RSRC1: variants seen among roughly 807,000 people sequenced by gnomAD.
RSRC1 encodes the protein serine/Arginine-related protein 53.
RSRC1 carries 39 observed loss-of-function variants against 49.1 expected under a neutral mutation model. That is an observed-to-expected ratio of 0.79 (90% CI 0.61 to 1.04). The LOEUF (loss-of-function observed/expected upper bound fraction) is 1.04, where lower values mean the gene tolerates loss of function less well. RSRC1 is among the 50% of genes least tolerant of loss of function. The pLI is 0.00. For synonymous variants in RSRC1, 143 were observed against 130.8 expected, an observed-to-expected ratio of 1.09 and a Z score of -0.63; for missense variants, 388 against 402.4, an observed-to-expected ratio of 0.96 and a Z score of 0.31.
intron 7 of RSRC1, among the ~76,000 whole-genome samples, chr3:158,471,345 C>T (rs907912865): frequency 3.3e-5 from 5 of 152,016 alleles, no homozygotes; most frequent in African/African-American, 7.2e-5. Context: ...TTTTTCCATC[C>T]GTGGAAGAAT....
intron 7 of RSRC1, among the ~76,000 whole-genome samples, chr3:158,535,368 T>G (rs1209004830): frequency 6.6e-6 from 1 of 151,432 alleles, no homozygotes; most frequent in Non-Finnish European, 1.5e-5. Context: ...AGAAAAAAGA[T>G]GTACAAATAT....
At chr3:158,160,108 C>T (rs116772709) in intron 3 of RSRC1, among the ~76,000 whole-genome samples, 167 of 152,158 alleles carry the variant, frequency 1.1e-3, no homozygotes, top group African/African-American at 3.9e-3. Flanking sequence ...GCAAAATCTG[C>T]CTTGGGAATT....
intron 6 of RSRC1, among the ~76,000 whole-genome samples, chr3:158,443,210 C>T (rs1411830670): frequency 1.3e-5 from 2 of 152,086 alleles, no homozygotes; most frequent in Admixed American, 1.3e-4. Context: ...GTCAGCTTGT[C>T]CTTTGAAGCT....
intron 7 of RSRC1, among the ~76,000 whole-genome samples, chr3:158,479,287 TACAAA>T (rs1039440584): frequency 3.2e-4 from 47 of 148,850 alleles, no homozygotes; most frequent in African/African-American, 1.1e-3. Flanking sequence ...AATAAAATAA[TACAAA>T]ATAATATATG....
chr3:158,391,045 A>G (rs1733255659), intron 6 of RSRC1, among the ~76,000 whole-genome samples: 1 of 152,152 alleles, frequency 6.6e-6, no homozygotes, highest in Non-Finnish European at 1.5e-5. Flanking sequence ...GAGCTACAAT[A>G]AAAGTTAAAG....
chr3:158,481,807 T>C (rs1738623471), intron 7 of RSRC1, among the ~76,000 whole-genome samples: 2 of 152,100 alleles, frequency 1.3e-5, no homozygotes, highest in African/African-American at 2.4e-5. Flanking sequence ...TTCCATTTTC[T>C]ATTTGGATGA....
intron 7 of RSRC1, among the ~76,000 whole-genome samples, chr3:158,483,321 T>C (rs577504298): frequency 1.3e-5 from 2 of 152,164 alleles, no homozygotes; most frequent in Non-Finnish European, 2.9e-5. Flanking sequence ...GGATGATTTG[T>C]ATTTCTCATC....
intron 3 of RSRC1, among the ~76,000 whole-genome samples, chr3:158,157,971 G>T (rs1717983584): frequency 6.6e-6 from 1 of 151,754 alleles, no homozygotes; most frequent in African/African-American, 2.4e-5. Context: ...TGGTTTTACT[G>T]ATTTTTTTTA....
intron 6 of RSRC1, among the ~76,000 whole-genome samples, chr3:158,362,862 T>C (rs1731553011): frequency 6.6e-6 from 1 of 152,258 alleles, no homozygotes; most frequent in African/African-American, 2.4e-5. Flanking sequence ...ATATTTTTTA[T>C]CAGTATGAGA....
intron 5 of RSRC1, among the ~76,000 whole-genome samples, chr3:158,345,497 T>C (rs1730502079): frequency 6.6e-6 from 1 of 152,084 alleles, no homozygotes; most frequent in African/African-American, 2.4e-5. Context: ...CTCAAATTGA[T>C]ATGTAGAGTT....
intron 7 of RSRC1, among the ~76,000 whole-genome samples, chr3:158,534,736 C>T (rs1456655540): frequency 6.6e-6 from 1 of 151,444 alleles, no homozygotes; most frequent in African/African-American, 2.4e-5. Flanking sequence ...AAAAACCTAT[C>T]ATCAAACTAT....
intron 4 of RSRC1, among the ~76,000 whole-genome samples, chr3:158,249,974 C>T (rs371860974): frequency 6.6e-6 from 1 of 152,196 alleles, no homozygotes; most frequent in East Asian, 1.9e-4. Flanking sequence ...ACCCCACTAC[C>T]GTTCTCAGCC....
chr3:158,321,237 T>A (rs1302824502), intron 5 of RSRC1, among the ~76,000 whole-genome samples: 2 of 151,462 alleles, frequency 1.3e-5, no homozygotes, highest in African/African-American at 4.8e-5. Flanking sequence ...ATGTTTTTGT[T>A]ATTCTCTCTC....
intron 5 of RSRC1, among the ~76,000 whole-genome samples, chr3:158,310,516 T>G (rs1246930269): frequency 6.6e-6 from 1 of 151,854 alleles, no homozygotes; most frequent in Non-Finnish European, 1.5e-5. Context: ...CTTGATTACA[T>G]AGCTTTTGTG....
chr3:158,420,023 C>T (rs79448414), intron 6 of RSRC1, among the ~76,000 whole-genome samples: 7,619 of 151,916 alleles, frequency 0.05, 226 homozygotes, highest in East Asian at 0.1. Flanking sequence ...TCTCTCCCCC[C>T]ACTTCCTCCT....
At position 158,353,540 on chromosome 3, in the gene RSRC1, T is replaced by A. The variant is rs964822845; in HGVS notation, c.532-1317T>A. Among the ~76,000 whole-genome samples the A allele has an allele frequency of 4.6e-5, 7 of 152,330 alleles. No homozygotes were observed. In the East Asian group the frequency reaches 1.3e-3, roughly 29 times the overall value. ...CTGGTCCAGGTCTATAGTCTCTTAA[T>A]CCCTGTTCTGTGATATAATACGTTC... On this transcript the variant is annotated intron_variant, in intron 5 of 9. Coordinates refer to ENST00000611884, the MANE Select transcript of RSRC1 (RefSeq NM_001271838.2).
In RSRC1 at chr3:158,118,483, T is replaced by A. The variant is rs534967058; in HGVS notation, c.-2-3620T>A. On this transcript the variant is annotated intron_variant, in intron 1 of 9. Transcript: ENST00000611884. ...TGTGTGCGCGTGCGCGTGGTTTTTT[T>A]AAATTGTCCTTTGTTAAAATTTTAA... Among the ~76,000 whole-genome samples the A allele has an allele frequency of 2.8e-3, 353 of 128,298 alleles. 1 individual carries two copies. The highest frequency in any genetic ancestry group is 4.3e-3 in the Admixed American group (54 of 12,510). 84.2% of individuals were successfully genotyped at this position (128,298 alleles called of 152,430 possible).
At chr3:158,409,576 TA>T (rs1368663476) in intron 6 of RSRC1, among the ~76,000 whole-genome samples, 4 of 152,214 alleles carry the variant, frequency 2.6e-5, no homozygotes, top group Non-Finnish European at 5.9e-5. Flanking sequence ...GTGAGCTCCC[TA>T]AAAGCAGGAA....
rs1733051424 is a variant in RSRC1 at position 158,387,937 on chromosome 3, A to G, written c.583+33029A>G. 2.0e-5 allele frequency among the ~76,000 whole-genome samples: 3 copies of G among 152,298 alleles called. No individual in the cohort carries two copies. In the South Asian group the frequency reaches 6.2e-4, roughly 32 times the overall value. ...ACATGCACATATACTGAAAATAGACATGGTGATAACAAAAGGAATGCACAG... is the reference window on the plus strand; with the variant it reads ...ACATGCACATATACTGAAAATAGACGTGGTGATAACAAAAGGAATGCACAG... On this transcript the variant is annotated intron_variant, in intron 6 of 9. Coordinates refer to ENST00000611884, the MANE Select transcript of RSRC1 (RefSeq NM_001271838.2).
Sources: gnomAD v4.1 joint callset for allele counts (sites outside exome capture counted in the v4.1 genomes callset) on GRCh38, gnomAD v4.1.1 for gene constraint, MANE v1.5 for transcripts, NCBI Gene and HGNC (gene_info 2026-07-23, HGNC 2026-07-21) for gene names.